SNTG2: variants seen among roughly 807,000 people sequenced by gnomAD.
SNTG2 encodes gamma-2-syntrophin.
Under a neutral mutation model 70.9 loss-of-function variants are expected in SNTG2, and 74 were observed. The observed-to-expected ratio is 1.04, with a 90% CI of 0.86 to 1.27. The LOEUF (loss-of-function observed/expected upper bound fraction) is 1.27, where lower values mean the gene tolerates loss of function less well. Among genes scored for constraint, SNTG2 ranks in the 50% most tolerant of loss-of-function variants. The pLI is 0.00. For synonymous variants in SNTG2, 278 were observed against 273.8 expected (o/e 1.02, Z -0.15); for missense variants, 717 against 690.7 (o/e 1.04, Z -0.43).
intron 9 of SNTG2, among the ~76,000 whole-genome samples, chr2:1,222,028 CCTA>C (rs1675104635): frequency 7.2e-4 from 1 of 1,386 alleles, no homozygotes; most frequent in Admixed American, 0.01. Flanking sequence ...TCTGTCTCTG[CCTA>C]TCTCTGTCTC....
intron 10 of SNTG2, among the ~76,000 whole-genome samples, chr2:1,238,629 G>T (rs747625745): frequency 1.1e-4 from 16 of 152,236 alleles, no homozygotes; most frequent in Non-Finnish European, 1.8e-4. Flanking sequence ...CTGGAGTGAT[G>T]GGTGCCTGGA....
chr2:1,255,251 G>A (rs759849422), intron 12 of SNTG2, among the ~76,000 whole-genome samples: 6 of 152,184 alleles, frequency 3.9e-5, no homozygotes, highest in Non-Finnish European at 7.3e-5. Flanking sequence ...GCAATTCACA[G>A]TGGCTGCTTC....
chr2:1,015,799 A>G (rs1659875043), intron 1 of SNTG2, among the ~76,000 whole-genome samples: 2 of 152,216 alleles, frequency 1.3e-5, no homozygotes, highest in Admixed American at 6.5e-5. Flanking sequence ...CTTTGGGTGC[A>G]GAGTTGCATA....
intron 16 of SNTG2, among the ~76,000 whole-genome samples, chr2:1,331,017 G>A (rs1285100936): frequency 6.6e-6 from 1 of 152,188 alleles, no homozygotes. Flanking sequence ...GTGTGTTTCA[G>A]AAGCTCCCAT....
At position 969,126 on chromosome 2, in the gene SNTG2, C is replaced by T. The variant is rs114924450; in HGVS notation, c.72+18058C>T. 3.9e-3 allele frequency among the ~76,000 whole-genome samples: 588 copies of T among 152,286 alleles called. 2 individuals carry two copies. Among genetic ancestry groups the T allele is most frequent in the African/African-American group, 0.013 (547 of 41,546 alleles). On this transcript the variant is annotated intron_variant, in intron 1 of 16. Transcript: ENST00000308624. ...GCTCCATTTATTGAATTGGAGGGTC[C>T]TTCCCACACTGATGGTTTATGTTGC... is the stretch of plus-strand genomic sequence containing the variant.
intron 14 of SNTG2, among the ~76,000 whole-genome samples, chr2:1,304,035 A>T (rs1680571455): frequency 6.6e-6 from 1 of 152,240 alleles, no homozygotes; most frequent in Non-Finnish European, 1.5e-5. Flanking sequence ...CAAAGAGAAC[A>T]CCAATATCTT....
At chr2:1,315,674 T>C (rs1049162301) in intron 15 of SNTG2, among the ~76,000 whole-genome samples, 2 of 152,158 alleles carry the variant, frequency 1.3e-5, no homozygotes, top group African/African-American at 4.8e-5. Context: ...AAACATTAAG[T>C]GATTTTTGCA....
At chr2:1,127,215 G>T (rs1404070927) in intron 4 of SNTG2, among the ~76,000 whole-genome samples, 3 of 151,812 alleles carry the variant, frequency 2.0e-5, no homozygotes, top group African/African-American at 7.3e-5. Context: ...TTATTGAAGA[G>T]AAAATGTTCT....
intron 6 of SNTG2, among the ~76,000 whole-genome samples, chr2:1,163,009 A>T (rs753490604): frequency 3.3e-5 from 5 of 152,186 alleles, no homozygotes; most frequent in Admixed American, 6.5e-5. Flanking sequence ...ACTCAGCCCT[A>T]TGGGGGCCCA....
chr2:1,191,041 A>T (rs1194023592), intron 8 of SNTG2, among the ~76,000 whole-genome samples: 1 of 152,188 alleles, frequency 6.6e-6, no homozygotes, highest in Admixed American at 6.5e-5. Flanking sequence ...TAGAATCAGG[A>T]GGCAATCCCA....
intron 1 of SNTG2, among the ~76,000 whole-genome samples, chr2:1,028,411 T>C (rs1318694054): frequency 6.6e-6 from 1 of 152,236 alleles, no homozygotes; most frequent in Non-Finnish European, 1.5e-5. Context: ...TGACTGCAGG[T>C]ATCCTGATAG....
chr2:1,049,571 G>A (rs572986112), intron 1 of SNTG2, among the ~76,000 whole-genome samples: 1 of 152,268 alleles, frequency 6.6e-6, no homozygotes, highest in African/African-American at 2.4e-5. Context: ...TTGATTCCAA[G>A]TTTTTGCAAT....
chr2:1,155,186 ATATATAGAC>A (rs1168475169), intron 6 of SNTG2, among the ~76,000 whole-genome samples: 25 of 148,656 alleles, frequency 1.7e-4, no homozygotes, highest in Non-Finnish European at 3.3e-4. Context: ...CCCCACACAC[ATATATAGAC>A]CACACACACC....
intron 13 of SNTG2, 33 bp from the exon 14 acceptor site, chr2:1,267,332 C>T (rs758580254): frequency 1.1e-5 from 17 of 1,556,624 alleles, no homozygotes; most frequent in Non-Finnish European, 1.5e-5. Context: ...CCTTCCAGCG[C>T]TGCACGTTTC....
At chr2:1,035,231 C>G (rs114508050) in intron 1 of SNTG2, among the ~76,000 whole-genome samples, 53 of 152,216 alleles carry the variant, frequency 3.5e-4, no homozygotes, top group Non-Finnish European at 4.6e-4. Context: ...ATTGTTCCTC[C>G]AAGTCAAGGA....
At chr2:1,212,605 T>C (rs1674116446) in intron 9 of SNTG2, among the ~76,000 whole-genome samples, 1 of 152,214 alleles carries the variant, frequency 6.6e-6, no homozygotes, top group African/African-American at 2.4e-5. Context: ...CAAGATTTAG[T>C]ATGGGCAGGA....
At chr2:1,243,630 G>A (rs532104107) in intron 11 of SNTG2, among the ~76,000 whole-genome samples, 1 of 152,300 alleles carries the variant, frequency 6.6e-6, no homozygotes, top group African/African-American at 2.4e-5. Flanking sequence ...ATTCCTGAGT[G>A]TTACGGCCGT....
At chr2:1,233,972 T>G (rs760457413) in intron 9 of SNTG2, among the ~76,000 whole-genome samples, 1 of 152,010 alleles carries the variant, frequency 6.6e-6, no homozygotes, top group African/African-American at 2.4e-5. Flanking sequence ...TCCTACAATC[T>G]CATGTGTGTC....
chr2:1,059,503 T>G (rs1438782961), intron 1 of SNTG2, among the ~76,000 whole-genome samples: 6 of 152,234 alleles, frequency 3.9e-5, no homozygotes, highest in Non-Finnish European at 7.3e-5. Context: ...TAATGGAAAC[T>G]TGGAGTCACA....
Sources: allele counts gnomAD v4.1 joint callset (sites outside exome capture counted in the v4.1 genomes callset), GRCh38; gene constraint gnomAD v4.1.1; transcripts MANE v1.5; gene names NCBI Gene and HGNC (gene_info 2026-07-23, HGNC 2026-07-21).